TMPRSS15: variants seen among roughly 807,000 people sequenced by gnomAD.
The protein encoded by TMPRSS15 is transmembrane serine protease 15, also known as enteropeptidase.
In TMPRSS15, 128 loss-of-function variants were observed where a neutral mutation model predicts 125.3. The ratio of observed to expected loss-of-function variants is 1.02; its 90% CI spans 0.89 to 1.18. TMPRSS15 has a LOEUF of 1.18. TMPRSS15 is among the 50% of genes most tolerant of loss of function. TMPRSS15 has a pLI of 0.00. For synonymous variants in TMPRSS15, 446 were observed against 423.2 expected (o/e 1.05, Z -0.66); for missense variants, 1,283 against 1,212.7 (o/e 1.06, Z -0.86).
chr21:18,291,546 G>A (rs1448485793), intron 21 of TMPRSS15, among the ~76,000 whole-genome samples: 1 of 152,202 alleles, frequency 6.6e-6, no homozygotes, highest in Non-Finnish European at 1.5e-5. Flanking sequence ...TGTGTGGCAT[G>A]AGTTTAATAA....
intron 1 of TMPRSS15, among the ~76,000 whole-genome samples, chr21:18,411,569 G>T (rs1393607349): frequency 1.3e-5 from 2 of 152,084 alleles, no homozygotes; most frequent in Non-Finnish European, 2.9e-5. Context: ...ATTTTCTGAA[G>T]ATCTTCTCCT....
chr21:18,466,770 A>C (rs1015339982), intron 1 of TMPRSS15, among the ~76,000 whole-genome samples: 2 of 152,150 alleles, frequency 1.3e-5, no homozygotes, highest in Admixed American at 1.3e-4. Flanking sequence ...CAGATGCTGG[A>C]GAGGATGTGG....
At chr21:18,478,290 T>C (rs1978917674) in intron 1 of TMPRSS15, among the ~76,000 whole-genome samples, 1 of 152,064 alleles carries the variant, frequency 6.6e-6, no homozygotes, top group Admixed American at 6.6e-5. Flanking sequence ...CCCAGTTTGA[T>C]TATCTCCCAT....
intron 6 of TMPRSS15, among the ~76,000 whole-genome samples, chr21:18,365,656 T>TTCCTTCCTTCCTTCCC (rs1368254014): frequency 8.5e-6 from 1 of 117,692 alleles, no homozygotes; most frequent in Non-Finnish European, 1.7e-5. Context: ...CCTCCCTTCC[T>TTCCTTCCTTCCTTCCC]TCCTTCCTTC....
At chr21:18,333,663 A>G (rs1601348779) in intron 13 of TMPRSS15, among the ~76,000 whole-genome samples, 1 of 152,310 alleles carries the variant, frequency 6.6e-6, no homozygotes, top group South Asian at 2.1e-4. Context: ...TGCTTAATCA[A>G]TGCCCCGATC....
chr21:18,462,340 A>C (rs1978566596), intron 1 of TMPRSS15, among the ~76,000 whole-genome samples: 1 of 152,166 alleles, frequency 6.6e-6, no homozygotes, highest in Admixed American at 6.5e-5. Flanking sequence ...TGCTACATAC[A>C]AGAAAGTGTG....
rs538417358 is a variant in TMPRSS15 at position 18,312,282 on chromosome 21, T to C, written c.2165+663A>G. On this transcript the variant is annotated intron_variant, in intron 18 of 24. Transcript: ENST00000284885. ...TTGATGGGAAGGTAAAAAACAAATA[T>C]GGCGAAATTACATATTTGATGCAAG... Among the ~76,000 whole-genome samples, 24 of 151,936 alleles carry C rather than the reference T, an allele frequency of 1.6e-4. No homozygotes were observed. In the East Asian group the frequency reaches 4.1e-3, roughly 26 times the overall value.
intron 1 of TMPRSS15, among the ~76,000 whole-genome samples, chr21:18,464,918 G>A (rs2122955030): frequency 6.6e-6 from 1 of 152,244 alleles, no homozygotes; most frequent in African/African-American, 2.4e-5. Context: ...CTTGAGGCCA[G>A]CATCATCCTT....
intron 7 of TMPRSS15, among the ~76,000 whole-genome samples, chr21:18,360,097 A>G (rs567433008): frequency 3.3e-5 from 5 of 152,088 alleles, no homozygotes; most frequent in Non-Finnish European, 5.9e-5. Flanking sequence ...ACAACTTCCC[A>G]TTGCTTAGTC....
chr21:18,343,386 G>T, intron 12 of TMPRSS15, 120 bp downstream of exon 12: 2 of 930,206 alleles, frequency 2.2e-6, no homozygotes, highest in Non-Finnish European at 3.2e-6. Flanking sequence ...GATTGGGCAA[G>T]TAGAGAAAGT....
rs1336054904 is a variant in TMPRSS15, at chr21:18,343,969, A to G, written c.1263T>C (p.Ala421=). ...CTACAACATACCAGAAACTAAGGCA[A>G]GCTGGCTCCAAAGTGGGGTCCAAAG... ...SLPLDPTLEP[A]CLSFWYHMYG... is the part of the protein sequence containing the mutation. Residue 421 remains alanine, a synonymous_variant, in exon 11 of 25, where the codon GCT becomes GCC. Transcript: ENST00000284885. The G allele has an allele frequency of 3.1e-6, 5 of 1,614,014 alleles. No homozygotes were observed. Among genetic ancestry groups the G allele is most frequent in the Middle Eastern group, 1.6e-4 (1 of 6,082 alleles).
At chr21:18,426,742 TA>T (rs755730992) in intron 1 of TMPRSS15, among the ~76,000 whole-genome samples, 16 of 152,222 alleles carry the variant, frequency 1.1e-4, no homozygotes, top group South Asian at 2.1e-4. Context: ...ATTTCAAAAT[TA>T]TGCATTTTCA....
At chr21:18,443,155 C>T (rs141288056) in intron 1 of TMPRSS15, among the ~76,000 whole-genome samples, 218 of 152,158 alleles carry the variant, frequency 1.4e-3, no homozygotes, top group African/African-American at 4.8e-3. Context: ...TGAGGAAAAA[C>T]GGCAGGGAAG....
intron 18 of TMPRSS15, among the ~76,000 whole-genome samples, chr21:18,311,303 A>G (rs1405411504): frequency 6.6e-6 from 1 of 152,198 alleles, no homozygotes; most frequent in Non-Finnish European, 1.5e-5. Flanking sequence ...GAGCAAATCC[A>G]CAGAATGGGA....
At chr21:18,392,255 C>T (rs1310768820) in intron 3 of TMPRSS15, among the ~76,000 whole-genome samples, 1 of 152,188 alleles carries the variant, frequency 6.6e-6, no homozygotes, top group Non-Finnish European at 1.5e-5. Context: ...CATAGTTAGC[C>T]TGCAAATTTT....
chr21:18,417,299 C>T (rs1019083960), intron 1 of TMPRSS15, among the ~76,000 whole-genome samples: 10 of 152,012 alleles, frequency 6.6e-5, no homozygotes, highest in African/African-American at 2.4e-4. Context: ...ATTAACCATT[C>T]CAGAACTTTA....
chr21:18,460,620 G>C (rs1245624817), intron 1 of TMPRSS15: 1 of 152,234 alleles, frequency 6.6e-6, no homozygotes, highest in Non-Finnish European at 1.5e-5. Context: ...GGGCTGGCAG[G>C]TGGGAGACCC....
At chr21:18,336,841 T>A (rs1053104266) in intron 13 of TMPRSS15, among the ~76,000 whole-genome samples, 2 of 151,980 alleles carry the variant, frequency 1.3e-5, no homozygotes, top group East Asian at 3.9e-4. Context: ...TGGCTCAGGC[T>A]ATTAGTTTTA....
At chr21:18,418,932 A>G (rs1192932579) in intron 1 of TMPRSS15, among the ~76,000 whole-genome samples, 3 of 152,222 alleles carry the variant, frequency 2.0e-5, no homozygotes, top group African/African-American at 7.2e-5. Context: ...ACTGCTCTGA[A>G]AGCCGACCAT....
Sources: gnomAD v4.1 joint callset for allele counts (sites outside exome capture counted in the v4.1 genomes callset) on GRCh38, gnomAD v4.1.1 for gene constraint, MANE v1.5 for transcripts, NCBI Gene and HGNC (gene_info 2026-07-23, HGNC 2026-07-21) for gene names.